Variants in BDNF observed in about 807,000 individuals in gnomAD.
BDNF encodes the protein neurotrophic factor BDNF precursor form.
A neutral mutation model predicts 19.5 loss-of-function variants in BDNF; 1 was observed. The ratio of observed to expected loss-of-function variants is 0.05; its 90% CI spans 0.02 to 0.24. The LOEUF is 0.24. Ranked by LOEUF, BDNF falls within the 10% of genes least tolerant of loss-of-function variation. The pLI is 1.00. For missense variants in BDNF, 195 were observed against 317.6 expected, an observed-to-expected ratio of 0.61 and a Z score of 2.93; for synonymous variants, 100 against 121.6, an observed-to-expected ratio of 0.82 and a Z score of 1.17.
intron 1 of BDNF, among the ~76,000 whole-genome samples, chr11:27,667,476 T>C (rs1186024451): frequency 6.6e-6 from 1 of 152,110 alleles, no homozygotes; most frequent in African/African-American, 2.4e-5. Context: ...GACTGGCAAA[T>C]TGGATAAAGA....
intron 1 of BDNF, chr11:27,698,223 TCCCAAAAAA>T (rs1564986531): frequency 2.8e-5 from 1 of 35,282 alleles, no homozygotes; most frequent in Non-Finnish European, 5.1e-5. Flanking sequence ...GAGGTAAATT[TCCCAAAAAA>T]AAAAAAAAAA....
chr11:27,700,356 C>T lies in BDNF; in HGVS notation c.-214G>A, dbSNP rs1859762851. On this transcript the variant is annotated 5_prime_UTR_variant, in exon 1 of 2. Coordinates refer to ENST00000356660, the MANE Select transcript of BDNF (RefSeq NM_001709.5). ...GCACCGGGCTGGCTCCTCTGTCCGG[C>T]CCGGGAGCCCGAGGCGCTACGGGGT... The T allele has an allele frequency of 1.0e-5, 10 of 985,340 alleles. No individual in the cohort carries two copies. In the South Asian group the frequency reaches 4.7e-4, roughly 46 times the overall value. The allele number at this position is 985,340 out of a possible 1,614,324, so 61.0% of individuals were successfully genotyped here. A position where few individuals can be genotyped will look rare whatever the true frequency, so the allele number is the denominator to read the frequency against.
In BDNF at chr11:27,655,269, A is replaced by G. The variant is rs905777857; in HGVS notation, c.*2552T>C. 1.3e-5 allele frequency: 2 copies of G among 152,606 alleles called. No homozygotes were observed. The highest frequency in any genetic ancestry group is 4.8e-5 in the African/African-American group (2 of 41,452). 9.5% of individuals were successfully genotyped at this position (152,606 alleles called of 1,614,324 possible). ...ACAAAACAGAACAAGAACGAACACA[A>G]CAGAGAGAGATTTTAACAAAATAAA... On this transcript the variant is annotated 3_prime_UTR_variant, in exon 2 of 2. Coordinates refer to ENST00000356660, the MANE Select transcript of BDNF (RefSeq NM_001709.5).
At chr11:27,659,627 C>CTGTGTGTGTGTGTGTGTG in intron 1 of BDNF, 3 of 916,912 alleles carry the variant, frequency 3.3e-6, no homozygotes, top group Non-Finnish European at 3.8e-6. Flanking sequence ...GAGATGTTCT[C>CTGTGTGTGTGTGTGTGTG]TCTGTGTGTG....
chr11:27,718,457 C>T (rs898858715), intron 1 of BDNF, among the ~76,000 whole-genome samples: 1 of 145,072 alleles, frequency 6.9e-6, no homozygotes, highest in Admixed American at 7.2e-5. Flanking sequence ...GGGTGGGTGG[C>T]GATGGTGATG....
chr11:27,704,912 T>C (rs995847612), upstream of BDNF, among the ~76,000 whole-genome samples: 3 of 152,258 alleles, frequency 2.0e-5, no homozygotes, highest in Non-Finnish European at 4.4e-5. Flanking sequence ...AGGAGTTATG[T>C]AACCAGGCAT....
At chr11:27,669,030 A>G (rs913300145) in intron 1 of BDNF, among the ~76,000 whole-genome samples, 3 of 152,200 alleles carry the variant, frequency 2.0e-5, no homozygotes, top group African/African-American at 7.2e-5. Context: ...GGCAAACCGA[A>G]TCCAGCAGAA....
intron 1 of BDNF, among the ~76,000 whole-genome samples, chr11:27,710,494 T>C (rs1300425088): frequency 1.3e-5 from 2 of 152,170 alleles, no homozygotes; most frequent in Non-Finnish European, 2.9e-5. Flanking sequence ...CCAAATGAGA[T>C]GCTATTTTCA....
chr11:27,678,275 T>TACAA (rs1419809413), intron 1 of BDNF, among the ~76,000 whole-genome samples: 1 of 152,094 alleles, frequency 6.6e-6, no homozygotes, highest in Non-Finnish European at 1.5e-5. Context: ...AGGTCAACCC[T>TACAA]ACAAACAGCA....
chr11:27,710,476 G>A (rs1860279627), intron 1 of BDNF, among the ~76,000 whole-genome samples: 2 of 152,206 alleles, frequency 1.3e-5, no homozygotes, highest in Non-Finnish European at 2.9e-5. Flanking sequence ...CCAATTCCTG[G>A]CATGCTCCCA....
At chr11:27,710,575 A>G (rs1034525086) in intron 1 of BDNF, among the ~76,000 whole-genome samples, 1 of 152,202 alleles carries the variant, frequency 6.6e-6, no homozygotes, top group African/African-American at 2.4e-5. Flanking sequence ...GCCAATAAAC[A>G]TTCTAGTCCC....
intron 1 of BDNF, chr11:27,721,301 A>G: frequency 8.0e-7 from 1 of 1,256,708 alleles, no homozygotes; most frequent in Non-Finnish European, 1.2e-6. Flanking sequence ...CCCTGGCCTG[A>G]GTAGCTGCTG....
intron 1 of BDNF, among the ~76,000 whole-genome samples, chr11:27,671,559 A>C (rs1420853959): frequency 1.3e-5 from 2 of 152,146 alleles, no homozygotes; most frequent in Admixed American, 6.6e-5. Context: ...ACTTCAAATA[A>C]TTTTTTGTGT....
At chr11:27,673,889 G>C (rs10767661) in intron 1 of BDNF, among the ~76,000 whole-genome samples, 11 of 152,026 alleles carry the variant, frequency 7.2e-5, no homozygotes, top group African/African-American at 2.4e-4. Context: ...GAAATACATA[G>C]AGCATTAAAT....
intron 1 of BDNF, among the ~76,000 whole-genome samples, chr11:27,679,987 C>T (rs1056422968): frequency 2.0e-5 from 3 of 152,216 alleles, no homozygotes; most frequent in East Asian, 3.8e-4. Flanking sequence ...ACAAAGGTCA[C>T]CCAAATTTCT....
At chr11:27,693,534 A>G (rs565306679) in intron 1 of BDNF, among the ~76,000 whole-genome samples, 1 of 152,292 alleles carries the variant, frequency 6.6e-6, no homozygotes, top group Non-Finnish European at 1.5e-5. Context: ...CTTCAGACAC[A>G]TTATCAGCCA....
intron 1 of BDNF, among the ~76,000 whole-genome samples, chr11:27,709,963 G>A (rs554389011): frequency 1.3e-3 from 194 of 152,324 alleles, no homozygotes; most frequent in African/African-American, 4.2e-3. Flanking sequence ...TTTACCAAAT[G>A]ATATACAGTT....
intron 1 of BDNF, among the ~76,000 whole-genome samples, chr11:27,718,529 C>T (rs906984604): frequency 2.0e-5 from 3 of 148,754 alleles, no homozygotes; most frequent in Non-Finnish European, 3.0e-5. Context: ...CAGAAATCCC[C>T]CCGCCCCCAA....
chr11:27,709,174 G>A (rs577289458), intron 1 of BDNF, among the ~76,000 whole-genome samples: 1 of 152,262 alleles, frequency 6.6e-6, no homozygotes, highest in Non-Finnish European at 1.5e-5. Flanking sequence ...AAATATATTA[G>A]TAGCTGTTGT....
Sources: allele counts gnomAD v4.1 joint callset (sites outside exome capture counted in the v4.1 genomes callset), GRCh38; gene constraint gnomAD v4.1.1; transcripts MANE v1.5; gene names NCBI Gene and HGNC (gene_info 2026-07-23, HGNC 2026-07-21).